The following WWC1 variants were observed in gnomAD, a reference collection of about 807,000 sequenced individuals.
WWC1 encodes WW and C2 domain containing 1.
A neutral mutation model predicts 138.4 loss-of-function variants in WWC1; 55 were observed. The ratio of observed to expected loss-of-function variants is 0.40; its 90% CI spans 0.32 to 0.50. The LOEUF is 0.50. WWC1 is among the 20% of genes least tolerant of loss of function. The pLI is 0.72. For missense variants in WWC1, 1,226 were observed against 1,420.4 expected, an observed-to-expected ratio of 0.86 and a Z score of 2.20; for synonymous variants, 524 against 564.9, an observed-to-expected ratio of 0.93 and a Z score of 1.03.
intron 1 of WWC1, among the ~76,000 whole-genome samples, chr5:168,348,155 C>T (rs1225239920): frequency 6.6e-6 from 1 of 152,184 alleles, no homozygotes; most frequent in African/African-American, 2.4e-5. Context: ...GTGATGTGCA[C>T]CGTTTCCTGA....
intron 1 of WWC1, among the ~76,000 whole-genome samples, chr5:168,297,497 A>G (rs983468804): frequency 3.3e-5 from 5 of 152,118 alleles, no homozygotes; most frequent in Admixed American, 6.6e-5. Context: ...ATGGCGGTGC[A>G]TGCCTGTAAT....
chr5:168,452,191 C>T (rs1285015686), intron 17 of WWC1, among the ~76,000 whole-genome samples: 1 of 152,158 alleles, frequency 6.6e-6, no homozygotes, highest in Middle Eastern at 3.2e-3. Flanking sequence ...CAGGCGTGAG[C>T]TACCACGCCT....
chr5:168,403,010 C>CTTTCTT (rs1779437453), intron 5 of WWC1, among the ~76,000 whole-genome samples: 1 of 43,824 alleles, frequency 2.3e-5, no homozygotes, highest in Non-Finnish European at 5.2e-5. Context: ...GTTTCTTTTT[C>CTTTCTT]TTTCTTTCTT....
intron 1 of WWC1, among the ~76,000 whole-genome samples, chr5:168,342,602 G>A (rs1203162781): frequency 6.6e-6 from 1 of 152,178 alleles, no homozygotes; most frequent in African/African-American, 2.4e-5. Context: ...AGATGTGGTG[G>A]GGGATAGGTT....
At chr5:168,365,576 T>C (rs1386625382) in intron 1 of WWC1, among the ~76,000 whole-genome samples, 1 of 152,174 alleles carries the variant, frequency 6.6e-6, no homozygotes, top group African/African-American at 2.4e-5. Context: ...CGTGGTCTCA[T>C]GTCCTCACAG....
At chr5:168,408,465 C>A in intron 6 of WWC1, 42 bp from the exon 7 acceptor site, 1 of 1,605,460 alleles carries the variant, frequency 6.2e-7, no homozygotes, top group Non-Finnish European at 8.5e-7. Context: ...AGAGCTCCCT[C>A]CTGGGAAGGC....
At chr5:168,412,604 G>A (rs978232307) in intron 8 of WWC1, among the ~76,000 whole-genome samples, 3 of 152,196 alleles carry the variant, frequency 2.0e-5, no homozygotes, top group East Asian at 1.9e-4. Context: ...TCTCAAAGCT[G>A]ATCTTGATAG....
At chr5:168,388,950 C>G (rs910544689) in intron 3 of WWC1, among the ~76,000 whole-genome samples, 1 of 151,962 alleles carries the variant, frequency 6.6e-6, no homozygotes, top group Non-Finnish European at 1.5e-5. Context: ...TTATTGTGAA[C>G]CACCCTAATG....
chr5:168,386,446 G>A (rs1393632546), intron 3 of WWC1, among the ~76,000 whole-genome samples: 1 of 150,930 alleles, frequency 6.6e-6, no homozygotes, highest in Non-Finnish European at 1.5e-5. Context: ...AGGCTGGAGT[G>A]CAGTGGCGCG....
At chr5:168,371,664 T>C (rs1776760532) in intron 2 of WWC1, 131 bp downstream of exon 2, 1 of 597,076 alleles carries the variant, frequency 1.7e-6, no homozygotes, top group Admixed American at 3.1e-5. Context: ...TTATATAGAT[T>C]TAGATAGAAA....
chr5:168,344,422 C>T (rs1056446353), intron 1 of WWC1, among the ~76,000 whole-genome samples: 5 of 152,270 alleles, frequency 3.3e-5, no homozygotes, highest in African/African-American at 1.2e-4. Flanking sequence ...ATTTCAGGCT[C>T]GGTTTTCTCA....
chr5:168,469,155 CT>C lies in WWC1; in HGVS notation c.*143del. 1.0e-6 allele frequency: 1 copy of C among 975,604 alleles called. No homozygotes were observed. The highest frequency in any genetic ancestry group is 1.6e-5 in the South Asian group (1 of 62,520). 60.4% of individuals were successfully genotyped at this position (975,604 alleles called of 1,614,324 possible). A position where few individuals can be genotyped will look rare whatever the true frequency, so the allele number is the denominator to read the frequency against. On this transcript the variant is annotated 3_prime_UTR_variant, in exon 23 of 23. Transcript: ENST00000265293. ...TCTTGTTGGTTTGAAGATGAACCGA[CT>C]TTTTAGTTTGGGTCCTACTGTTGTT... is the stretch of plus-strand genomic sequence containing the variant.
intron 3 of WWC1, 22 bp downstream of exon 3, chr5:168,385,436 C>T (rs1278725958): frequency 1.9e-6 from 3 of 1,609,368 alleles, no homozygotes; most frequent in Non-Finnish European, 8.5e-7. Context: ...CCACTACCAC[C>T]ACCCCCACCG....
At chr5:168,450,501 A>C (rs1377945717) in intron 17 of WWC1, among the ~76,000 whole-genome samples, 1 of 152,136 alleles carries the variant, frequency 6.6e-6, no homozygotes, top group South Asian at 2.1e-4. Flanking sequence ...CACCATCTCT[A>C]TTAAAAATAC....
At chr5:168,408,229 C>A (rs1452676635) in intron 6 of WWC1, among the ~76,000 whole-genome samples, 1 of 152,064 alleles carries the variant, frequency 6.6e-6, no homozygotes, top group Non-Finnish European at 1.5e-5. Flanking sequence ...TCAAGTCACA[C>A]AGCTGGGAAG....
At position 168,343,651 on chromosome 5, in the gene WWC1, G is replaced by A. The variant is rs184687338; in HGVS notation, c.120-27773G>A. Among the ~76,000 whole-genome samples the A allele has an allele frequency of 6.6e-3, 998 of 152,128 alleles. 6 individuals are homozygous for A. Among genetic ancestry groups the A allele is most frequent in the Admixed American group, 0.01 (158 of 15,272 alleles). On this transcript the variant is annotated intron_variant, in intron 1 of 22. Coordinates refer to ENST00000265293, the MANE Select transcript of WWC1 (RefSeq NM_015238.3). The stretch of plus-strand genomic sequence containing the variant: ...ATCCTGACCAACATGGTGAAACCCC[G>A]TCTCTACTAAAAATACAAAAATTAG...
chr5:168,338,114 C>T (rs754443587), intron 1 of WWC1, among the ~76,000 whole-genome samples: 3 of 151,890 alleles, frequency 2.0e-5, no homozygotes, highest in Non-Finnish European at 4.4e-5. Flanking sequence ...AGTTCGAGAC[C>T]GGTCTGGCCA....
chr5:168,379,340 G>A (rs1308070383), intron 2 of WWC1, among the ~76,000 whole-genome samples: 1 of 152,144 alleles, frequency 6.6e-6, no homozygotes, highest in East Asian at 1.9e-4. Context: ...AGAAGGGGCT[G>A]GGCTGTCGGA....
intron 3 of WWC1, among the ~76,000 whole-genome samples, chr5:168,385,655 C>A (rs1334324195): frequency 6.6e-6 from 1 of 152,094 alleles, no homozygotes. Flanking sequence ...TTACATATCT[C>A]CTCATTTAAA....
Sources: gnomAD v4.1 joint callset for allele counts (sites outside exome capture counted in the v4.1 genomes callset) on GRCh38, gnomAD v4.1.1 for gene constraint, MANE v1.5 for transcripts, NCBI Gene and HGNC (gene_info 2026-07-23, HGNC 2026-07-21) for gene names.